Variants in RGS6 observed in about 807,000 individuals in gnomAD.
The protein encoded by RGS6 is regulator of G-protein signaling 6.
A neutral mutation model predicts 78.5 loss-of-function variants in RGS6; 30 were observed. The observed-to-expected ratio is 0.38, with a 90% CI of 0.29 to 0.52. The LOEUF (loss-of-function observed/expected upper bound fraction) is 0.52, where lower values mean the gene tolerates loss of function less well. Among genes scored for constraint, RGS6 ranks in the 20% least tolerant of loss-of-function variants. The pLI is 0.85. For synonymous variants in RGS6, 206 were observed against 206.0 expected, an observed-to-expected ratio of 1.00 and a Z score of 0.00; for missense variants, 495 against 609.7, an observed-to-expected ratio of 0.81 and a Z score of 1.98.
At chr14:72,510,879 T>G (rs2096870371) in intron 14 of RGS6, among the ~76,000 whole-genome samples, 1 of 152,254 alleles carries the variant, frequency 6.6e-6, no homozygotes, top group Non-Finnish European at 1.5e-5. Context: ...AACACCTGAT[T>G]GTTCCTATTG....
intron 2 of RGS6, among the ~76,000 whole-genome samples, chr14:72,322,278 A>G (rs1489325276): frequency 2.0e-5 from 3 of 152,028 alleles, no homozygotes; most frequent in Admixed American, 6.5e-5. Flanking sequence ...AAATCAATAA[A>G]TCATTAGTAA....
At chr14:72,390,393 C>T (rs1448704330) in intron 3 of RGS6, among the ~76,000 whole-genome samples, 1 of 151,958 alleles carries the variant, frequency 6.6e-6, no homozygotes, top group South Asian at 2.1e-4. Flanking sequence ...CCACTGCACC[C>T]GGCCGGGAGC....
rs562810939 is a variant in RGS6 at position 72,065,916 on chromosome 14, T to TC, written c.84+101048dup. ...TAGGTATATCTCCCGATGCTATCCC[T>TC]CCCCCCCTCCCCCCAGCCCACAACA... On this transcript the variant is annotated intron_variant, in intron 2 of 17. Transcript: ENST00000553525. 4.8e-3 allele frequency among the ~76,000 whole-genome samples: 617 copies of TC among 128,626 alleles called. 2 individuals are homozygous for TC. Among genetic ancestry groups the TC allele is most frequent in the African/African-American group, 0.017 (578 of 34,660 alleles). The allele number at this position is 128,626 out of a possible 152,430, so 84.4% of individuals were successfully genotyped here. A position where few individuals can be genotyped will look rare whatever the true frequency, so the allele number is the denominator to read the frequency against.
intron 2 of RGS6, among the ~76,000 whole-genome samples, chr14:72,072,959 C>T (rs1293383723): frequency 3.3e-5 from 5 of 152,154 alleles, no homozygotes; most frequent in Non-Finnish European, 7.4e-5. Flanking sequence ...TGATTTATCT[C>T]GTCTGGGGCA....
the RGS6 span, among the ~76,000 whole-genome samples, chr14:71,897,974 A>AT: frequency 8.2e-5 from 12 of 147,056 alleles, no homozygotes; most frequent in Non-Finnish European, 9.1e-5. Context: ...TTTTATTTTA[A>AT]TTTTCACTGG....
At position 71,932,536 on chromosome 14, in the gene RGS6, G is replaced by A. The variant is rs1037388321; in HGVS notation, c.-426G>A. 2.6e-5 allele frequency: 4 copies of A among 152,080 alleles called. No individual in the cohort carries two copies. The highest frequency in any genetic ancestry group is 5.9e-5 in the Non-Finnish European group (4 of 68,016). 9.4% of individuals were successfully genotyped at this position (152,080 alleles called of 1,614,324 possible). A position where few individuals can be genotyped will look rare whatever the true frequency, so the allele number is the denominator to read the frequency against. ...AGCCGCCGGAGCCGCCAGGCGCCGA[G>A]GGAACGGACAGACCTCCGCGCACCC... On this transcript the variant is annotated 5_prime_UTR_variant, in exon 1 of 18. Transcript: ENST00000553525.
the RGS6 span, among the ~76,000 whole-genome samples, chr14:71,901,262 A>T: frequency 6.6e-6 from 1 of 152,236 alleles, no homozygotes; most frequent in African/African-American, 2.4e-5. Flanking sequence ...TATCAAGAAT[A>T]TGAACTTTAG....
chr14:71,945,124 T>TTATA (rs1471434695), intron 1 of RGS6, among the ~76,000 whole-genome samples: 1 of 152,212 alleles, frequency 6.6e-6, no homozygotes, highest in Non-Finnish European at 1.5e-5. Flanking sequence ...TATAAACTCC[T>TTATA]TATAGTTAAA....
chr14:72,169,021 G>GCCA (rs1216704887), intron 2 of RGS6, among the ~76,000 whole-genome samples: 3 of 152,176 alleles, frequency 2.0e-5, no homozygotes, highest in African/African-American at 7.2e-5. Context: ...CACTGCCACT[G>GCCA]CCACCACCAC....
chr14:71,876,600 G>A, the RGS6 span, among the ~76,000 whole-genome samples: 1 of 147,250 alleles, frequency 6.8e-6, no homozygotes. Context: ...CCTGAATACA[G>A]CACACTGATG....
At chr14:72,609,883 T>C in the RGS6 span, among the ~76,000 whole-genome samples, 1 of 152,214 alleles carries the variant, frequency 6.6e-6, no homozygotes, top group African/African-American at 2.4e-5. Context: ...TGGTCTGAAG[T>C]ACCAAAGCAG....
chr14:72,620,051 C>T, the RGS6 span: 37 of 1,428,402 alleles, frequency 2.6e-5, no homozygotes, highest in East Asian at 1.3e-4. Context: ...GTCTGGCCCC[C>T]GCTTACCCAT....
At chr14:72,191,651 C>T (rs1034023210) in intron 2 of RGS6, among the ~76,000 whole-genome samples, 5 of 152,276 alleles carry the variant, frequency 3.3e-5, no homozygotes, top group African/African-American at 2.4e-5. Flanking sequence ...GGGCAAGACC[C>T]GCCTCCATGA....
At chr14:72,549,877 C>T (rs1252235716) in intron 17 of RGS6, among the ~76,000 whole-genome samples, 1 of 152,094 alleles carries the variant, frequency 6.6e-6, no homozygotes. Flanking sequence ...CACAAAAAAC[C>T]CCCCAGAGAC....
At chr14:72,133,305 T>G (rs531901321) in intron 2 of RGS6, among the ~76,000 whole-genome samples, 1 of 152,168 alleles carries the variant, frequency 6.6e-6, no homozygotes, top group South Asian at 2.1e-4. Context: ...CTCTCTAATC[T>G]GCTGTTTTAT....
chr14:71,979,191 T>A (rs1268051797), intron 2 of RGS6, among the ~76,000 whole-genome samples: 211 of 148,210 alleles, frequency 1.4e-3, no homozygotes, highest in Non-Finnish European at 2.4e-3. Context: ...TCTATCTATT[T>A]TGTTGATCCT....
the RGS6 span, among the ~76,000 whole-genome samples, chr14:72,580,307 T>TCCCCCCCCCCCCCCCCCCCCC: frequency 1.6e-5 from 2 of 127,510 alleles, no homozygotes; most frequent in African/African-American, 3.6e-5. Flanking sequence ...AGCAAAAATG[T>TCCCCCCCCCCCCCCCCCCCCC]CCCCCCCACC....
At chr14:71,940,382 T>C (rs1460032363) in intron 1 of RGS6, among the ~76,000 whole-genome samples, 1 of 152,176 alleles carries the variant, frequency 6.6e-6, no homozygotes, top group Non-Finnish European at 1.5e-5. Flanking sequence ...CTGGCTCAAG[T>C]CTGGAAATTG....
intron 2 of RGS6, among the ~76,000 whole-genome samples, chr14:72,087,346 G>T (rs940421027): frequency 3.3e-5 from 5 of 152,080 alleles, no homozygotes; most frequent in African/African-American, 1.2e-4. Context: ...GGCCAGGCTG[G>T]TTTTGAACTC....
Sources: gnomAD v4.1 joint callset for allele counts (sites outside exome capture counted in the v4.1 genomes callset) on GRCh38, gnomAD v4.1.1 for gene constraint, MANE v1.5 for transcripts, NCBI Gene and HGNC (gene_info 2026-07-23, HGNC 2026-07-21) for gene names.